Variants in ATE1 observed in about 807,000 individuals in gnomAD.
The protein encoded by ATE1 is arginyl-tRNA--protein transferase 1.
In ATE1, 36 loss-of-function variants were observed where a neutral mutation model predicts 70.5. That is an observed-to-expected ratio of 0.51 (90% confidence interval 0.39 to 0.67). The LOEUF (loss-of-function observed/expected upper bound fraction) is 0.67, where lower values mean the gene tolerates loss of function less well. ATE1 is among the 30% of genes least tolerant of loss of function. The probability of loss-of-function intolerance (pLI) is 0.00; values close to 1 mark genes in which losing one functional copy is unlikely to be tolerated. For synonymous variants in ATE1, 232 were observed against 219.3 expected, an observed-to-expected ratio of 1.06 and a Z score of -0.51; for missense variants, 593 against 629.5, an observed-to-expected ratio of 0.94 and a Z score of 0.62.
At chr10:121,907,503 G>A (rs903119983) in intron 5 of ATE1, among the ~76,000 whole-genome samples, 6 of 151,806 alleles carry the variant, frequency 4.0e-5, no homozygotes, top group East Asian at 1.9e-4. Flanking sequence ...GGCCAGACAC[G>A]GTGGTTCACA....
chr10:121,890,812 T>C (rs1026990787), intron 7 of ATE1, among the ~76,000 whole-genome samples: 1 of 152,244 alleles, frequency 6.6e-6, no homozygotes, highest in African/African-American at 2.4e-5. Context: ...AGCTTTATAC[T>C]GTATTATAAA....
intron 10 of ATE1, among the ~76,000 whole-genome samples, chr10:121,836,337 A>C (rs943986833): frequency 1.3e-5 from 2 of 152,192 alleles, no homozygotes; most frequent in African/African-American, 2.4e-5. Context: ...TAAGTAAAGC[A>C]GACGTGTTTG....
intron 5 of ATE1, among the ~76,000 whole-genome samples, chr10:121,908,485 C>A (rs1353481147): frequency 6.6e-6 from 1 of 152,020 alleles, no homozygotes; most frequent in East Asian, 1.9e-4. Context: ...GCGTAGGCGA[C>A]AGAGTGAGAT....
chr10:121,831,416 A>C (rs747978745), intron 10 of ATE1, among the ~76,000 whole-genome samples: 3 of 152,180 alleles, frequency 2.0e-5, no homozygotes, highest in Non-Finnish European at 2.9e-5. Context: ...CACACATTCC[A>C]TAACACAGCT....
chr10:121,920,115 A>G (rs564612810), intron 3 of ATE1, among the ~76,000 whole-genome samples: 2 of 152,290 alleles, frequency 1.3e-5, no homozygotes, highest in South Asian at 4.1e-4. Flanking sequence ...TTTTAATTTT[A>G]TGAGTATATA....
intron 10 of ATE1, among the ~76,000 whole-genome samples, chr10:121,791,062 G>GA (rs1946425885): frequency 5.4e-5 from 1 of 18,508 alleles, no homozygotes; most frequent in African/African-American, 1.1e-4. Flanking sequence ...ATACGTGTGT[G>GA]TGTGTGTGTG....
chr10:121,915,408 A>C (rs1951608668), intron 3 of ATE1, among the ~76,000 whole-genome samples: 1 of 152,262 alleles, frequency 6.6e-6, no homozygotes, highest in East Asian at 1.9e-4. Context: ...CCAAAATCTA[A>C]ATAAAGGCAT....
At position 121,779,177 on chromosome 10, in the gene ATE1, C is replaced by G. The variant is rs374994723; in HGVS notation, c.1378+10992G>C. ...CATTTATCCTCTCTTCAGTTCCTTCCTAACTGAATTCAGAACAATTTCTTT... is the reference window on the plus strand; with the variant it reads ...CATTTATCCTCTCTTCAGTTCCTTCGTAACTGAATTCAGAACAATTTCTTT... On this transcript the variant is annotated intron_variant, in intron 11 of 11. Transcript: ENST00000224652. Among the ~76,000 whole-genome samples the G allele has an allele frequency of 1.1e-3, 175 of 152,284 alleles. 1 individual carries two copies. In the Middle Eastern group the frequency reaches 0.024, roughly 21 times the overall value.
chr10:121,751,965 G>C (rs562934212), intron 11 of ATE1, among the ~76,000 whole-genome samples: 1 of 151,868 alleles, frequency 6.6e-6, no homozygotes, highest in African/African-American at 2.4e-5. Flanking sequence ...AGGCTGAGGC[G>C]CATGGATCGT....
chr10:121,875,303 T>G (rs1270148918), intron 7 of ATE1, among the ~76,000 whole-genome samples: 2 of 29,440 alleles, frequency 6.8e-5, no homozygotes, highest in Admixed American at 4.3e-4. Context: ...TTTTGGTTTT[T>G]TTTTGTTTTT....
intron 10 of ATE1, among the ~76,000 whole-genome samples, chr10:121,831,752 T>C (rs562514074): frequency 6.6e-6 from 1 of 152,338 alleles, no homozygotes; most frequent in East Asian, 1.9e-4. Flanking sequence ...TTAGTTTTCA[T>C]GTCAGCTTTA....
intron 8 of ATE1, among the ~76,000 whole-genome samples, chr10:121,845,253 G>T (rs1251236250): frequency 1.3e-5 from 2 of 152,172 alleles, no homozygotes; most frequent in Non-Finnish European, 2.9e-5. Context: ...GTGTTGGCAG[G>T]AGTTTGTGGG....
chr10:121,786,896 A>T (rs1946238862), intron 11 of ATE1, among the ~76,000 whole-genome samples: 1 of 152,234 alleles, frequency 6.6e-6, no homozygotes, highest in South Asian at 2.1e-4. Flanking sequence ...ATACATATTC[A>T]GTTACTAATT....
rs201545165 is a variant in ATE1 at position 121,907,144 on chromosome 10, C to CA, written c.583+3761dup. Among the ~76,000 whole-genome samples the CA allele has an allele frequency of 2.0e-3, 295 of 149,752 alleles. 1 individual carries two copies. Among genetic ancestry groups the CA allele is most frequent in the Non-Finnish European group, 2.3e-3 (158 of 67,378 alleles). On this transcript the variant is annotated intron_variant, in intron 5 of 11. Transcript: ENST00000224652. ...TCAGTGCAGAAGAAACTACAAACAT[C>CA]AAAAAAAAAGAAAAAGATAAAAAGG...
chr10:121,760,011 T>A (rs1944973968), intron 11 of ATE1, among the ~76,000 whole-genome samples: 1 of 152,226 alleles, frequency 6.6e-6, no homozygotes, highest in Non-Finnish European at 1.5e-5. Flanking sequence ...AAAGCCTAGA[T>A]GACAGCACAT....
In ATE1 at chr10:121,743,829, G is replaced by T. The variant is rs1298387939; in HGVS notation, c.1408C>A (p.Arg470=). ...VDEDRSTEPD[R]LQVFHKRAIM... is the part of the protein sequence containing the mutation. ...GCTCTCTTGTGAAACACCTGCAATC[G>T]GTCAGGTTCCGTACTGCGATCCTCA... Residue 470 remains arginine (R), a synonymous_variant, in exon 12 of 12, where the codon CGA becomes AGA. Transcript: ENST00000224652. 1 of 1,613,334 alleles carries T rather than the reference G, an allele frequency of 6.2e-7. No individual in the cohort carries two copies. Among genetic ancestry groups the T allele is most frequent in the Non-Finnish European group, 8.5e-7 (1 of 1,179,804 alleles).
intron 10 of ATE1, among the ~76,000 whole-genome samples, chr10:121,818,026 T>G (rs1947628172): frequency 6.6e-6 from 1 of 152,048 alleles, no homozygotes; most frequent in Non-Finnish European, 1.5e-5. Context: ...CACAGTGGCT[T>G]ATGCCTATAA....
intron 7 of ATE1, among the ~76,000 whole-genome samples, chr10:121,878,649 T>C (rs2134093206): frequency 6.6e-6 from 1 of 151,802 alleles, no homozygotes; most frequent in South Asian, 2.1e-4. Flanking sequence ...CTAAGATTTA[T>C]GCACTTTACT....
At chr10:121,914,014 G>A (rs1408726943) in intron 3 of ATE1, 121 bp from the exon 4 acceptor site, 6 of 671,922 alleles carry the variant, frequency 8.9e-6, no homozygotes, top group Admixed American at 3.0e-5. Context: ...TTAAAGATGG[G>A]GCTTAATGTA....
Sources: gnomAD v4.1 joint callset for allele counts (sites outside exome capture counted in the v4.1 genomes callset) on GRCh38, gnomAD v4.1.1 for gene constraint, MANE v1.5 for transcripts, NCBI Gene and HGNC (gene_info 2026-07-23, HGNC 2026-07-21) for gene names.